Variants in FRAS1 observed in about 807,000 individuals in gnomAD.
The protein encoded by FRAS1 is Fraser extracellular matrix complex subunit 1, also known as extracellular matrix organizing protein FRAS1.
A neutral mutation model predicts 435.2 loss-of-function variants in FRAS1; 290 were observed. The observed-to-expected ratio is 0.67, with a 90% CI of 0.61 to 0.73. The LOEUF (loss-of-function observed/expected upper bound fraction) is 0.73. Among genes scored for constraint, FRAS1 ranks in the 30% least tolerant of loss-of-function variants. The pLI, the probability that FRAS1 is intolerant of heterozygous loss-of-function variation, is 0.00. For synonymous variants in FRAS1, 1,800 were observed against 1,851.0 expected (o/e 0.97, Z 0.71); for missense variants, 4,860 against 5,001.5 (o/e 0.97, Z 0.85).
At chr4:78,457,655 G>A (rs2627654) in intron 47 of FRAS1, among the ~76,000 whole-genome samples, 112,147 of 152,080 alleles carry the variant, frequency 0.74, 41,726 homozygotes, top group African/African-American at 0.79. Context: ...GAAAGTGAGT[G>A]CCCTCAAGGA....
chr4:78,162,197 G>T (rs762866179), intron 2 of FRAS1, among the ~76,000 whole-genome samples: 4 of 152,170 alleles, frequency 2.6e-5, no homozygotes, highest in Non-Finnish European at 4.4e-5. Flanking sequence ...CTTGCTGGAA[G>T]AAGGGAGGAA....
intron 55 of FRAS1, among the ~76,000 whole-genome samples, chr4:78,479,163 G>A (rs1230249201): frequency 6.6e-6 from 1 of 152,202 alleles, no homozygotes; most frequent in Non-Finnish European, 1.5e-5. Context: ...ATTTTGAGTT[G>A]TTTGATGAAG....
At chr4:78,193,672 C>T (rs1161037466) in intron 2 of FRAS1, among the ~76,000 whole-genome samples, 7 of 152,140 alleles carry the variant, frequency 4.6e-5, no homozygotes, top group South Asian at 2.1e-4. Context: ...TGTCCCTGCA[C>T]GTGAGATGGG....
intron 47 of FRAS1, among the ~76,000 whole-genome samples, chr4:78,454,128 G>A (rs1457220715): frequency 6.6e-6 from 1 of 151,254 alleles, no homozygotes; most frequent in Non-Finnish European, 1.5e-5. Flanking sequence ...GATGACAGTT[G>A]AGCAGACATC....
intron 2 of FRAS1, among the ~76,000 whole-genome samples, chr4:78,203,123 G>C (rs1057166418): frequency 6.6e-6 from 1 of 152,202 alleles, no homozygotes; most frequent in Non-Finnish European, 1.5e-5. Flanking sequence ...ACTTCCCACA[G>C]GGTAATTCAG....
intron 31 of FRAS1, 86 bp from the exon 32 acceptor site, chr4:78,412,883 C>A: frequency 1.6e-6 from 1 of 623,388 alleles, no homozygotes; most frequent in Non-Finnish European, 2.7e-6. Context: ...TCAAAGACAG[C>A]TGGCTTAAAA....
In FRAS1 at chr4:78,481,952, T is replaced by C. The variant is rs767909386; in HGVS notation, c.8592T>C (p.Gly2864=). The change falls in exon 57 of 74, where the codon GGT becomes GGC. Residue 2864 remains glycine, a synonymous_variant. Transcript: ENST00000512123. The part of the protein sequence containing the change: ...PSSRKVEFGP[G]VIEQYCTLTI... Reference sequence around the variant, plus strand: ...CTCGGAAGGTGGAATTTGGGCCTGGTGTCATTGAACAGGTGCGTTTACAGC... The same window carrying C: ...CTCGGAAGGTGGAATTTGGGCCTGGCGTCATTGAACAGGTGCGTTTACAGC... 45 of 1,613,678 alleles carry C rather than the reference T, an allele frequency of 2.8e-5. No homozygotes were observed. The Admixed American group carries it at 4.2e-4, about 15-fold the overall frequency.
At chr4:78,471,068 C>T (rs1171659692) in intron 51 of FRAS1, among the ~76,000 whole-genome samples, 3 of 152,042 alleles carry the variant, frequency 2.0e-5, no homozygotes, top group African/African-American at 4.8e-5. Flanking sequence ...GAGAAAGAAG[C>T]GGGGCATTTT....
In FRAS1 at chr4:78,432,399, A is replaced by G; in HGVS notation, c.5012A>G (p.Gln1671Arg). The G allele has an allele frequency of 6.2e-7, 1 of 1,609,352 alleles. No individual in the cohort carries two copies. The highest frequency in any genetic ancestry group is 8.5e-7 in the Non-Finnish European group (1 of 1,177,620). ...GAGGATGTTGAGAAAAATGCTCTAC[A>G]GTATATACATGATGGTTCCTCTACC... Reference protein sequence around the residue: ...TYEDVEKNALQYIHDGSSTRE... With the variant: ...TYEDVEKNALRYIHDGSSTRE... The change falls in exon 38 of 74, where the codon CAG (glutamine) becomes CGG (arginine). Residue 1671 changes from glutamine to arginine, a missense_variant. By Grantham distance (43) the Gln-to-Arg change is conservative (BLOSUM62 1). Coordinates refer to ENST00000512123, the MANE Select transcript of FRAS1 (RefSeq NM_025074.7).
chr4:78,358,056 G>A (rs1730930715), intron 20 of FRAS1, among the ~76,000 whole-genome samples: 1 of 152,110 alleles, frequency 6.6e-6, no homozygotes, highest in Non-Finnish European at 1.5e-5. Flanking sequence ...GGATGAGGAA[G>A]GAACTCACTG....
intron 58 of FRAS1, among the ~76,000 whole-genome samples, chr4:78,483,394 C>G (rs4975069): frequency 0.3 from 45,323 of 151,682 alleles, 7,793 homozygotes; most frequent in Admixed American, 0.39. Context: ...TTAGAATTGT[C>G]AGAACTTCAG....
chr4:78,446,468 A>G, intron 42 of FRAS1: 1 of 1,259,466 alleles, frequency 7.9e-7, no homozygotes, highest in Non-Finnish European at 1.0e-6. Flanking sequence ...GGTCTAGAAA[A>G]TATGGTCATT....
In FRAS1 at chr4:78,368,043, A is replaced by G. The variant is rs1731344615; in HGVS notation, c.2723-1795A>G. ...TCAACCACCTTCAAATCCACTTACA[A>G]CTAGTAGGTCTCACTTCATTTTTGT... is the stretch of plus-strand genomic sequence containing the variant. On this transcript the variant is annotated intron_variant, in intron 22 of 73. Coordinates refer to ENST00000512123, the MANE Select transcript of FRAS1 (RefSeq NM_025074.7). Among the ~76,000 whole-genome samples the G allele has an allele frequency of 2.0e-5, 3 of 152,096 alleles. 1 individual carries two copies. The South Asian group carries it at 6.2e-4, about 32-fold the overall frequency.
chr4:78,399,608 T>G (rs1732803045), intron 29 of FRAS1, among the ~76,000 whole-genome samples: 1 of 152,166 alleles, frequency 6.6e-6, no homozygotes. Context: ...TTCTCAGGAG[T>G]GCTGAATAGG....
At chr4:78,384,286 AT>A (rs1350328132) in intron 28 of FRAS1, 143 bp downstream of exon 28, 1 of 638,422 alleles carries the variant, frequency 1.6e-6, no homozygotes, top group Non-Finnish European at 2.7e-6. Context: ...CACTGGAGTA[AT>A]TTTTAGGACT....
intron 2 of FRAS1, among the ~76,000 whole-genome samples, chr4:78,212,093 C>T (rs1253961154): frequency 6.6e-6 from 1 of 152,194 alleles, no homozygotes; most frequent in Non-Finnish European, 1.5e-5. Flanking sequence ...ATTCATTCAT[C>T]TTTCATCTGT....
At chr4:78,229,423 A>G (rs960791927) in intron 2 of FRAS1, among the ~76,000 whole-genome samples, 4 of 152,116 alleles carry the variant, frequency 2.6e-5, no homozygotes, top group African/African-American at 9.7e-5. Flanking sequence ...AAGGAGGCAG[A>G]AAAGGCTAAT....
chr4:78,292,013 C>G (rs1378064371), intron 14 of FRAS1, among the ~76,000 whole-genome samples: 1 of 152,168 alleles, frequency 6.6e-6, no homozygotes, highest in African/African-American at 2.4e-5. Flanking sequence ...CTACTTTAAA[C>G]CATTATTATG....
intron 2 of FRAS1, among the ~76,000 whole-genome samples, chr4:78,069,458 G>T (rs1740225892): frequency 6.6e-6 from 1 of 152,294 alleles, no homozygotes; most frequent in South Asian, 2.1e-4. Context: ...TTAGGAAGCT[G>T]CCAGATACAG....
Sources: allele counts gnomAD v4.1 joint callset (sites outside exome capture counted in the v4.1 genomes callset), GRCh38; gene constraint gnomAD v4.1.1; transcripts MANE v1.5; gene names NCBI Gene and HGNC (gene_info 2026-07-23, HGNC 2026-07-21).